The following NOVA2 variants were observed in gnomAD, a reference collection of about 807,000 sequenced individuals.
NOVA2 encodes NOVA alternative splicing regulator 2, also known as RNA-binding protein Nova-2.
A neutral mutation model predicts 22.5 loss-of-function variants in NOVA2; 9 were observed. The observed-to-expected ratio is 0.40, with a 90% CI of 0.24 to 0.70. The LOEUF is 0.70. NOVA2 is among the 30% of genes least tolerant of loss of function. The pLI, the probability that NOVA2 is intolerant of heterozygous loss-of-function variation, is 0.38. For synonymous variants in NOVA2, 318 were observed against 335.2 expected (o/e 0.95, Z 0.56); for missense variants, 383 against 682.8 (o/e 0.56, Z 4.89).
chr19:45,958,485 GTGAA>G, intron 2 of NOVA2, among the ~76,000 whole-genome samples: 1 of 149,552 alleles, frequency 6.7e-6, no homozygotes, highest in South Asian at 2.1e-4. Context: ...TGGGATGTGT[GTGAA>G]TGAGTGTGAG....
At chr19:45,960,228 G>A (rs903342796) in intron 2 of NOVA2, among the ~76,000 whole-genome samples, 1 of 148,880 alleles carries the variant, frequency 6.7e-6, no homozygotes, top group African/African-American at 2.6e-5. Context: ...TGTGACGCCC[G>A]CAGAGGAGGA....
chr19:45,969,745 T>A (rs907615367), intron 1 of NOVA2, among the ~76,000 whole-genome samples: 1 of 151,968 alleles, frequency 6.6e-6, no homozygotes, highest in Admixed American at 6.6e-5. Context: ...CAGACTGGGG[T>A]CATTTATTTC....
intron 1 of NOVA2, among the ~76,000 whole-genome samples, chr19:45,964,976 A>G (rs1968151048): frequency 6.6e-6 from 1 of 152,054 alleles, no homozygotes; most frequent in Non-Finnish European, 1.5e-5. Flanking sequence ...AGAATTAAGG[A>G]GTTTCCTGAC....
At chr19:45,958,464 GTGTGTGTGAGTGGGA>G (rs1968041351) in intron 2 of NOVA2, among the ~76,000 whole-genome samples, 1 of 148,704 alleles carries the variant, frequency 6.7e-6, no homozygotes, top group African/African-American at 2.6e-5. Context: ...GTGTGTAAGC[GTGTGTGTGAGTGGGA>G]TGTGTGTGAA....
intron 1 of NOVA2, among the ~76,000 whole-genome samples, chr19:45,964,598 T>TCTCTCTCTC (rs1968146304): frequency 6.6e-6 from 1 of 151,910 alleles, no homozygotes; most frequent in Non-Finnish European, 1.5e-5. Context: ...TCTTTCTCTG[T>TCTCTCTCTC]TGCCCAGGCT....
At chr19:45,945,954 G>C (rs985723464) in intron 3 of NOVA2, among the ~76,000 whole-genome samples, 3 of 140,780 alleles carry the variant, frequency 2.1e-5, no homozygotes, top group African/African-American at 8.0e-5. Flanking sequence ...CAAGTGAGCC[G>C]AGATCATGCC....
chr19:45,959,465 C>G (rs540653298), intron 2 of NOVA2, among the ~76,000 whole-genome samples: 1 of 152,098 alleles, frequency 6.6e-6, no homozygotes, highest in Non-Finnish European at 1.5e-5. Context: ...TGGGAGGGGA[C>G]GACATGTCTC....
intron 2 of NOVA2, 22 bp from the exon 3 acceptor site, chr19:45,953,968 G>C: frequency 1.2e-6 from 2 of 1,612,810 alleles, no homozygotes; most frequent in Non-Finnish European, 1.7e-6. Flanking sequence ...GGGAGAGAGA[G>C]GGCACACTCA....
At chr19:45,951,773 G>T (rs1043393282) in intron 3 of NOVA2, among the ~76,000 whole-genome samples, 12 of 151,978 alleles carry the variant, frequency 7.9e-5, no homozygotes, top group African/African-American at 2.4e-4. Flanking sequence ...CTCCAGCCTG[G>T]GTGACAGAGT....
rs1031277094 is a variant in NOVA2 at position 45,936,312 on chromosome 19, T to C, written c.*3551A>G. 7 of 152,040 alleles carry C rather than the reference T, an allele frequency of 4.6e-5. No individual in the cohort carries two copies. Among genetic ancestry groups the C allele is most frequent in the Non-Finnish European group, 2.9e-5 (2 of 68,002 alleles). The allele number at this position is 152,040 out of a possible 1,614,324, so 9.4% of individuals were successfully genotyped here. Reference sequence around the variant, plus strand: ...TGGGATTCTCCTTGGCTGGTGGAATTTGGGGGGACCCAAAAGGATAGGGGT... The same window carrying C: ...TGGGATTCTCCTTGGCTGGTGGAATCTGGGGGGACCCAAAAGGATAGGGGT... On this transcript the variant is annotated 3_prime_UTR_variant, in exon 4 of 4. Transcript: ENST00000263257.
intron 1 of NOVA2, among the ~76,000 whole-genome samples, chr19:45,971,761 C>T (rs755230522): frequency 6.6e-6 from 1 of 152,038 alleles, no homozygotes; most frequent in African/African-American, 2.4e-5. Flanking sequence ...GCAAGGTGAC[C>T]GCGGGGAGGG....
At chr19:45,968,748 A>T (rs1968197826) in intron 1 of NOVA2, among the ~76,000 whole-genome samples, 1 of 152,104 alleles carries the variant, frequency 6.6e-6, no homozygotes, top group Non-Finnish European at 1.5e-5. Flanking sequence ...GCTGAGGCTC[A>T]GAGTAGTGAA....
intron 3 of NOVA2, among the ~76,000 whole-genome samples, chr19:45,953,447 G>A (rs149069064): frequency 6.6e-6 from 1 of 152,322 alleles, no homozygotes; most frequent in Non-Finnish European, 1.5e-5. Flanking sequence ...TGGGAGGCAG[G>A]TCGTTCAGAG....
chr19:45,939,829 G>A lies in NOVA2; in HGVS notation c.*34C>T. The A allele has an allele frequency of 3.7e-6, 6 of 1,612,044 alleles. No individual in the cohort carries two copies. The South Asian group carries it at 4.4e-5, about 12-fold the overall frequency. On this transcript the variant is annotated 3_prime_UTR_variant, in exon 4 of 4. Coordinates refer to ENST00000263257, the MANE Select transcript of NOVA2 (RefSeq NM_002516.4). ...GGAGAGGGAAGAGGAGGAGATGGGA[G>A]GAGAGAAAAGGGTGGGAGCACACAC...
intron 3 of NOVA2, among the ~76,000 whole-genome samples, chr19:45,945,839 T>TTA (rs1170208267): frequency 1.1e-4 from 16 of 142,958 alleles, no homozygotes; most frequent in Non-Finnish European, 2.3e-4. Context: ...ATTATTATTA[T>TTA]TTTTTTTTTT....
Position 45,953,957 on chromosome 19 carries a change from A to T in NOVA2, c.230-11T>A. The T allele has an allele frequency of 6.2e-7, 1 of 1,613,430 alleles. No individual in the cohort carries two copies. The highest frequency in any genetic ancestry group is 8.5e-7 in the Non-Finnish European group (1 of 1,179,454). On this transcript the variant is annotated splice_polypyrimidine_tract_variant and intron_variant, in intron 2 of 3. Transcript: ENST00000263257. ...CCCGCTCTGTGGTTCCTGTTGAGCAAGGGAGAGAGAGGGCACACTCATGAG... is the reference window on the plus strand; with the variant it reads ...CCCGCTCTGTGGTTCCTGTTGAGCATGGGAGAGAGAGGGCACACTCATGAG...
intron 1 of NOVA2, among the ~76,000 whole-genome samples, chr19:45,965,440 C>T (rs550051161): frequency 1.4e-4 from 21 of 152,228 alleles, no homozygotes; most frequent in African/African-American, 4.6e-4. Flanking sequence ...CTAAGAGTGA[C>T]GTTTATGGTC....
At chr19:45,971,995 A>C (rs915140643) in intron 1 of NOVA2, among the ~76,000 whole-genome samples, 1 of 151,746 alleles carries the variant, frequency 6.6e-6, no homozygotes, top group Non-Finnish European at 1.5e-5. Flanking sequence ...ACATTCGGCA[A>C]TCTCCAATAC....
intron 2 of NOVA2, among the ~76,000 whole-genome samples, chr19:45,954,305 C>G (rs911823216): frequency 3.3e-5 from 5 of 152,204 alleles, no homozygotes; most frequent in African/African-American, 9.6e-5. Flanking sequence ...CAACCATTCA[C>G]TCACTCCGCC....
Sources: allele counts gnomAD v4.1 joint callset (sites outside exome capture counted in the v4.1 genomes callset), GRCh38; gene constraint gnomAD v4.1.1; transcripts MANE v1.5; gene names NCBI Gene and HGNC (gene_info 2026-07-23, HGNC 2026-07-21).